The following TNFRSF10B variants were observed in gnomAD, a reference collection of about 807,000 sequenced individuals.
TNFRSF10B encodes TNF receptor superfamily member 10b, also known as tumor necrosis factor receptor superfamily member 10B.
In TNFRSF10B, 35 loss-of-function variants were observed where a neutral mutation model predicts 41.4. The ratio of observed to expected loss-of-function variants is 0.85; its 90% CI spans 0.65 to 1.12. The LOEUF is 1.12. Ranked by LOEUF, TNFRSF10B falls within the 50% of genes most tolerant of loss-of-function variation. TNFRSF10B has a pLI of 0.00. For synonymous variants in TNFRSF10B, 230 were observed against 215.5 expected, an observed-to-expected ratio of 1.07 and a Z score of -0.59; for missense variants, 584 against 552.7, an observed-to-expected ratio of 1.06 and a Z score of -0.57.
At position 23,027,955 on chromosome 8, in the gene TNFRSF10B, C is replaced by A. The variant is rs1377006486; in HGVS notation, c.749-202G>T. On this transcript the variant is annotated intron_variant, in intron 5 of 8. Transcript: ENST00000276431. ...AGGGGAACTAGAGTAAAAACAAACA[C>A]TTGGAAAATCTCTGGTTCTGCTCTG... is the stretch of plus-strand genomic sequence containing the variant. 2.3e-5 allele frequency: 15 copies of A among 642,142 alleles called. No individual in the cohort carries two copies. The East Asian group carries it at 3.8e-4, about 16-fold the overall frequency. 39.8% of individuals were successfully genotyped at this position (642,142 alleles called of 1,614,324 possible).
chr8:23,038,402 A>G (rs1464362907), intron 2 of TNFRSF10B, among the ~76,000 whole-genome samples: 1 of 152,236 alleles, frequency 6.6e-6, no homozygotes, highest in Non-Finnish European at 1.5e-5. Context: ...TACCAGCTAC[A>G]ATGACATGAC....
At chr8:23,029,885 C>G (rs956656275) in intron 3 of TNFRSF10B, among the ~76,000 whole-genome samples, 164 bp from the exon 4 acceptor site, 2 of 152,230 alleles carry the variant, frequency 1.3e-5, no homozygotes, top group Non-Finnish European at 2.9e-5. Flanking sequence ...GGATACCCAC[C>G]CTTCAGCTGT....
At chr8:23,057,342 G>T (rs1172060663) in intron 1 of TNFRSF10B, among the ~76,000 whole-genome samples, 1 of 151,288 alleles carries the variant, frequency 6.6e-6, no homozygotes, top group East Asian at 1.9e-4. Flanking sequence ...ACCGCGCCTG[G>T]CCCTTTTATG....
chr8:23,031,912 A>T (rs1049860567), intron 2 of TNFRSF10B, among the ~76,000 whole-genome samples: 14 of 27,880 alleles, frequency 5.0e-4, no homozygotes, highest in African/African-American at 1.2e-3. Context: ...TTGCAGTAGC[A>T]TTTTTTTTTT....
intron 1 of TNFRSF10B, among the ~76,000 whole-genome samples, chr8:23,056,548 G>A (rs1466034241): frequency 6.6e-6 from 1 of 151,960 alleles, no homozygotes; most frequent in Non-Finnish European, 1.5e-5. Flanking sequence ...CTACTCAGGA[G>A]GCTGAGGCAG....
intron 2 of TNFRSF10B, among the ~76,000 whole-genome samples, chr8:23,041,050 AT>A (rs892230480): frequency 3.0e-4 from 33 of 110,772 alleles, no homozygotes; most frequent in African/African-American, 9.6e-4. Context: ...ATATATGATA[AT>A]TTTTTTTTTG....
intron 2 of TNFRSF10B, 102 bp downstream of exon 2, chr8:23,043,034 CCT>C: frequency 9.2e-7 from 1 of 1,087,956 alleles, no homozygotes; most frequent in Non-Finnish European, 1.4e-6. Context: ...GCACCCAATG[CCT>C]CTCTGTGGAA....
chr8:23,068,543 G>T, intron 1 of TNFRSF10B: 1 of 689,012 alleles, frequency 1.5e-6, no homozygotes, highest in Non-Finnish European at 2.4e-6. Context: ...AGTGGAGCGC[G>T]CGCTCTGTTC....
At position 23,029,591 on chromosome 8, in the gene TNFRSF10B, C is replaced by G. The variant is rs1447688926; in HGVS notation, c.476+19G>C. On this transcript the variant is annotated intron_variant, in intron 4 of 8. Transcript: ENST00000276431. ...TGGGGTTCCATGGAGCTACTGGGAG[C>G]CCCCGGCTCCTGTCTCACCCTGTGC... 1.1e-5 allele frequency: 18 copies of G among 1,596,240 alleles called. No homozygotes were observed. The highest frequency in any genetic ancestry group is 1.5e-5 in the Non-Finnish European group (18 of 1,169,746).
In TNFRSF10B at chr8:23,043,122, C is replaced by T. The variant is rs753012486; in HGVS notation, c.250+16G>A. ...GGGGAGGAGGGGCAAGGATTAGAGACCCATCTTGAACATACCAGGTGGACA... is the reference window on the plus strand; with the variant it reads ...GGGGAGGAGGGGCAAGGATTAGAGATCCATCTTGAACATACCAGGTGGACA... On this transcript the variant is annotated intron_variant, in intron 2 of 8. Transcript: ENST00000276431. 43 of 1,609,544 alleles carry T rather than the reference C, an allele frequency of 2.7e-5. No individual in the cohort carries two copies. The highest frequency in any genetic ancestry group is 3.3e-5 in the Admixed American group (2 of 59,954).
chr8:23,060,787 T>C (rs1180954402), intron 1 of TNFRSF10B, among the ~76,000 whole-genome samples: 1 of 152,234 alleles, frequency 6.6e-6, no homozygotes, highest in Non-Finnish European at 1.5e-5. Context: ...CCATTTATTT[T>C]TGTATTCTTT....
rs975858702 is a variant in TNFRSF10B at position 23,020,223 on chromosome 8, A to T, written c.*2448T>A. 10 of 452,998 alleles carry T rather than the reference A, an allele frequency of 2.2e-5. No individual in the cohort carries two copies. Among genetic ancestry groups the T allele is most frequent in the African/African-American group, 1.8e-4 (9 of 49,976 alleles). The allele number at this position is 452,998 out of a possible 1,614,324, so 28.1% of individuals were successfully genotyped here. On this transcript the variant is annotated 3_prime_UTR_variant, in exon 9 of 9. Coordinates refer to ENST00000276431, the MANE Select transcript of TNFRSF10B (RefSeq NM_003842.5). ...AATGTGCTTCCTTGTTTGTATTATA[A>T]CACATTTCAAATAGGGACCTTTGAC... is the stretch of plus-strand genomic sequence containing the variant.
At chr8:23,043,274 TG>T (rs762587170) in intron 1 of TNFRSF10B, 31 bp from the exon 2 acceptor site, 20 of 1,590,988 alleles carry the variant, frequency 1.3e-5, no homozygotes, top group Admixed American at 1.7e-5. Flanking sequence ...TGGGCATGAG[TG>T]GCTTCCAGAC....
rs748371479 is a variant in TNFRSF10B, at chr8:23,024,282, G to A, written c.937-22C>T. On this transcript the variant is annotated intron_variant, in intron 7 of 8. Transcript: ENST00000276431. Reference sequence around the variant, plus strand: ...GTTCCTGTAACACATAGTGGGGAATGTCCTGGTCAGAGCCAGGAGTCCTAC... The same window carrying A: ...GTTCCTGTAACACATAGTGGGGAATATCCTGGTCAGAGCCAGGAGTCCTAC... The A allele has an allele frequency of 1.2e-5, 19 of 1,613,714 alleles. No individual in the cohort carries two copies. The Admixed American group carries it at 3.0e-4, about 25-fold the overall frequency.
chr8:23,058,863 TTAAATC>T (rs1359867086), intron 1 of TNFRSF10B, among the ~76,000 whole-genome samples: 4 of 152,220 alleles, frequency 2.6e-5, no homozygotes, highest in Non-Finnish European at 5.9e-5. Context: ...TGCTGTTTTT[TTAAATC>T]TAAAACTAAG....
rs1395947958 is a variant in TNFRSF10B, at chr8:23,020,153, T to C, written c.*2518A>G. The C allele has an allele frequency of 2.5e-6, 1 of 400,054 alleles. No homozygotes were observed. The highest frequency in any genetic ancestry group is 5.0e-6 in the Non-Finnish European group (1 of 200,838). 24.8% of individuals were successfully genotyped at this position (400,054 alleles called of 1,614,324 possible). A position where few individuals can be genotyped will look rare whatever the true frequency, so the allele number is the denominator to read the frequency against. Reference sequence around the variant, plus strand: ...ACCTCTTTTTATATAAGGTTTCATATTTAATTTGGTCATGGATTCATAAAT... The same window carrying C: ...ACCTCTTTTTATATAAGGTTTCATACTTAATTTGGTCATGGATTCATAAAT... On this transcript the variant is annotated 3_prime_UTR_variant, in exon 9 of 9. Coordinates refer to ENST00000276431, the MANE Select transcript of TNFRSF10B (RefSeq NM_003842.5).
chr8:23,060,769 A>G (rs1812809676), intron 1 of TNFRSF10B, among the ~76,000 whole-genome samples: 1 of 152,158 alleles, frequency 6.6e-6, no homozygotes, highest in Non-Finnish European at 1.5e-5. Context: ...TAATCATGGC[A>G]TATCTTTCCA....
intron 5 of TNFRSF10B, 60 bp downstream of exon 5, chr8:23,028,271 T>C (rs1811770777): frequency 2.5e-6 from 4 of 1,610,098 alleles, no homozygotes; most frequent in African/African-American, 1.3e-5. Flanking sequence ...TCTGTGGGAA[T>C]AGGGTGGGAG....
chr8:23,023,674 C>T (rs1301603472), intron 8 of TNFRSF10B, among the ~76,000 whole-genome samples: 1 of 152,180 alleles, frequency 6.6e-6, no homozygotes, highest in Non-Finnish European at 1.5e-5. Context: ...AAACAAGTGA[C>T]ATTCATTTTA....
Sources: allele counts gnomAD v4.1 joint callset (sites outside exome capture counted in the v4.1 genomes callset), GRCh38; gene constraint gnomAD v4.1.1; transcripts MANE v1.5; gene names NCBI Gene and HGNC (gene_info 2026-07-23, HGNC 2026-07-21).